The following CDH4 variants were observed in gnomAD, a reference collection of about 807,000 sequenced individuals.
The protein encoded by CDH4 is cadherin-4.
A neutral mutation model predicts 86.0 loss-of-function variants in CDH4; 33 were observed. The ratio of observed to expected loss-of-function variants is 0.38; its 90% confidence interval spans 0.29 to 0.51. CDH4 has a LOEUF of 0.51. CDH4 is among the 20% of genes least tolerant of loss of function. The pLI, the probability that CDH4 is intolerant of heterozygous loss-of-function variation, is 0.86. For missense variants in CDH4, 1,114 were observed against 1,307.4 expected, an observed-to-expected ratio of 0.85 and a Z score of 2.28; for synonymous variants, 555 against 549.4, an observed-to-expected ratio of 1.01 and a Z score of -0.14.
intron 4 of CDH4, among the ~76,000 whole-genome samples, chr20:61,782,320 A>G (rs1228518357): frequency 6.6e-6 from 1 of 152,132 alleles, no homozygotes; most frequent in East Asian, 1.9e-4. Flanking sequence ...AAAAATAAAA[A>G]TAAAAATGAA....
chr20:61,786,129 G>A (rs2386939), intron 4 of CDH4, among the ~76,000 whole-genome samples: 40,504 of 151,990 alleles, frequency 0.27, 5,979 homozygotes, highest in East Asian at 0.4. Flanking sequence ...GCCCTCCGGG[G>A]AAACAAGGAC....
intron 4 of CDH4, among the ~76,000 whole-genome samples, chr20:61,840,820 T>A (rs1175859576): frequency 2.0e-5 from 3 of 152,244 alleles, no homozygotes; most frequent in Non-Finnish European, 4.4e-5. Flanking sequence ...TTTTGAGAGC[T>A]GATGCTCAGA....
chr20:61,648,197 A>G (rs879738481), intron 2 of CDH4, among the ~76,000 whole-genome samples: 3 of 152,256 alleles, frequency 2.0e-5, no homozygotes, highest in Non-Finnish European at 4.4e-5. Flanking sequence ...GACTTGTTCA[A>G]GATGCTAATT....
chr20:61,292,060 C>T (rs1324229178), intron 2 of CDH4, among the ~76,000 whole-genome samples: 1 of 152,200 alleles, frequency 6.6e-6, no homozygotes, highest in Non-Finnish European at 1.5e-5. Flanking sequence ...ATCCATGTCC[C>T]TGCAAGCAGT....
In CDH4 at chr20:61,751,962, G is replaced by A. The variant is rs12479511; in HGVS notation, c.396+8173G>A. ...TGCAGCTGGGAGTGAACTGACCCCC[G>A]GGTGTGGAAAGCTTCCTCGCACATG... is the stretch of plus-strand genomic sequence containing the variant. On this transcript the variant is annotated intron_variant, in intron 3 of 15. Coordinates refer to ENST00000614565, the MANE Select transcript of CDH4 (RefSeq NM_001794.5). Among the ~76,000 whole-genome samples the A allele has an allele frequency of 8.5e-3, 1,292 of 152,310 alleles. 41 individuals carry two copies. Among genetic ancestry groups the A allele is most frequent in the East Asian group, 0.058 (302 of 5,184 alleles).
At chr20:61,741,393 C>T (rs1457600183) in intron 2 of CDH4, among the ~76,000 whole-genome samples, 3 of 152,204 alleles carry the variant, frequency 2.0e-5, no homozygotes, top group African/African-American at 4.8e-5. Flanking sequence ...ATATGGCTGA[C>T]GCCACCGCTG....
intron 2 of CDH4, among the ~76,000 whole-genome samples, chr20:61,281,539 C>G (rs2084258912): frequency 6.6e-6 from 1 of 152,248 alleles, no homozygotes; most frequent in Non-Finnish European, 1.5e-5. Context: ...AGCTTTGTGA[C>G]AGCAGCCAGA....
chr20:61,323,002 C>T (rs2084516944), intron 2 of CDH4, among the ~76,000 whole-genome samples: 1 of 152,168 alleles, frequency 6.6e-6, no homozygotes, highest in East Asian at 1.9e-4. Flanking sequence ...CCTGTCATTT[C>T]ACAGGTGCAG....
chr20:61,769,865 A>G (rs935839824), intron 3 of CDH4, among the ~76,000 whole-genome samples: 1 of 152,254 alleles, frequency 6.6e-6, no homozygotes, highest in Non-Finnish European at 1.5e-5. Flanking sequence ...AGCTTAGAGC[A>G]TATCAACATA....
At chr20:61,632,815 G>A (rs948954514) in intron 2 of CDH4, among the ~76,000 whole-genome samples, 4 of 142,148 alleles carry the variant, frequency 2.8e-5, no homozygotes, top group African/African-American at 1.1e-4. Context: ...TGCACCACCC[G>A]CTTCCTCTTC....
chr20:61,374,941 A>G (rs1356828356), intron 2 of CDH4, among the ~76,000 whole-genome samples: 1 of 152,226 alleles, frequency 6.6e-6, no homozygotes, highest in Non-Finnish European at 1.5e-5. Flanking sequence ...CTTTCTATTG[A>G]TAACTCTTCC....
At chr20:61,432,599 GTA>G (rs754273562) in intron 2 of CDH4, among the ~76,000 whole-genome samples, 2 of 151,492 alleles carry the variant, frequency 1.3e-5, no homozygotes, top group Non-Finnish European at 1.5e-5. Context: ...GTATGTGTGT[GTA>G]TATATATATA....
At chr20:61,535,340 G>A (rs545831056) in intron 2 of CDH4, among the ~76,000 whole-genome samples, 10 of 152,354 alleles carry the variant, frequency 6.6e-5, no homozygotes, top group Non-Finnish European at 1.3e-4. Context: ...CAGCCCCGGG[G>A]CGGCCCTCAG....
At chr20:61,351,586 A>T (rs1475012240) in intron 2 of CDH4, among the ~76,000 whole-genome samples, 1 of 151,674 alleles carries the variant, frequency 6.6e-6, no homozygotes, top group East Asian at 1.9e-4. Context: ...TATGGGGGGG[A>T]CGTGAGATGT....
chr20:61,805,102 C>T (rs1251658644), intron 4 of CDH4, among the ~76,000 whole-genome samples: 3 of 152,196 alleles, frequency 2.0e-5, no homozygotes, highest in African/African-American at 7.2e-5. Context: ...TTCCAGCAAA[C>T]ATCTTGGGAG....
At chr20:61,813,258 C>T (rs1056052730) in intron 4 of CDH4, among the ~76,000 whole-genome samples, 5 of 152,138 alleles carry the variant, frequency 3.3e-5, no homozygotes, top group Non-Finnish European at 5.9e-5. Context: ...AGCTTCGGGC[C>T]GGGATCTCCC....
chr20:61,731,031 TG>T (rs2088175022), intron 2 of CDH4, among the ~76,000 whole-genome samples: 3 of 151,512 alleles, frequency 2.0e-5, no homozygotes, highest in Non-Finnish European at 4.4e-5. Context: ...AAGGGTGTGC[TG>T]TGTGGGCAGA....
intron 6 of CDH4, among the ~76,000 whole-genome samples, chr20:61,856,391 C>A (rs796529187): frequency 7.0e-6 from 1 of 143,412 alleles, no homozygotes; most frequent in African/African-American, 2.7e-5. Context: ...TCCAGCCCCC[C>A]GGGATTCACA....
intron 2 of CDH4, among the ~76,000 whole-genome samples, chr20:61,493,456 A>C (rs1397743833): frequency 6.6e-6 from 1 of 152,214 alleles, no homozygotes; most frequent in Non-Finnish European, 1.5e-5. Flanking sequence ...ATAAGTTGTT[A>C]GGAAACAAGC....
Sources: gnomAD v4.1 joint callset for allele counts (sites outside exome capture counted in the v4.1 genomes callset) on GRCh38, gnomAD v4.1.1 for gene constraint, MANE v1.5 for transcripts, NCBI Gene and HGNC (gene_info 2026-07-23, HGNC 2026-07-21) for gene names.